The following SLC8A3 variants were observed in gnomAD, a reference collection of about 807,000 sequenced individuals.
SLC8A3 encodes the protein solute carrier family 8 member A3, also known as sodium/calcium exchanger 3.
A neutral mutation model predicts 65.4 loss-of-function variants in SLC8A3; 37 were observed. The ratio of observed to expected loss-of-function variants is 0.57; its 90% CI spans 0.44 to 0.74. The LOEUF (loss-of-function observed/expected upper bound fraction) is 0.74, where lower values mean the gene tolerates loss of function less well. SLC8A3 is among the 30% of genes least tolerant of loss of function. The pLI is 0.00. For missense variants in SLC8A3, 1,112 were observed against 1,172.1 expected (o/e 0.95, Z 0.75); for synonymous variants, 461 against 444.5 (o/e 1.04, Z -0.47).
At chr14:70,151,078 C>T (rs1019613593) in intron 2 of SLC8A3, among the ~76,000 whole-genome samples, 1 of 151,858 alleles carries the variant, frequency 6.6e-6, no homozygotes, top group Non-Finnish European at 1.5e-5. Context: ...CATGGTGAAA[C>T]CCCACCTCTG....
chr14:70,112,842 C>T (rs753240785), intron 2 of SLC8A3, among the ~76,000 whole-genome samples: 1 of 152,150 alleles, frequency 6.6e-6, no homozygotes, highest in Non-Finnish European at 1.5e-5. Flanking sequence ...AGATGCCTCA[C>T]TCCAGTCTTT....
chr14:70,080,275 A>C (rs1024219922), intron 2 of SLC8A3: 22 of 980,852 alleles, frequency 2.2e-5, no homozygotes, highest in Non-Finnish European at 2.5e-5. Context: ...GATGGTGGGG[A>C]GGGGAGGGGA....
intron 2 of SLC8A3, among the ~76,000 whole-genome samples, chr14:70,083,415 C>G (rs960143068): frequency 6.6e-6 from 1 of 152,118 alleles, no homozygotes. Context: ...TCCTCTCTCC[C>G]AAAGGAAAAC....
chr14:70,074,377 A>T (rs1417657210), intron 2 of SLC8A3, among the ~76,000 whole-genome samples: 2 of 152,178 alleles, frequency 1.3e-5, no homozygotes, highest in South Asian at 2.1e-4. Flanking sequence ...CAGGCTATTG[A>T]AGGGTTGGAG....
chr14:70,129,707 G>A (rs750114556), intron 2 of SLC8A3, among the ~76,000 whole-genome samples: 2 of 152,182 alleles, frequency 1.3e-5, no homozygotes, highest in South Asian at 2.1e-4. Flanking sequence ...TAGGGAGAAG[G>A]AGAGGTCACC....
chr14:70,173,330 A>T (rs1400221582), intron 1 of SLC8A3, among the ~76,000 whole-genome samples: 1 of 151,944 alleles, frequency 6.6e-6, no homozygotes, highest in East Asian at 1.9e-4. Context: ...GTCTGTCCCC[A>T]TGTCACACTC....
At position 70,167,570 on chromosome 14, in the gene SLC8A3, T is replaced by C. The variant is rs143972110; in HGVS notation, c.853A>G (p.Ile285Val). The C allele has an allele frequency of 8.5e-5, 138 of 1,614,114 alleles. No individual in the cohort carries two copies. In the African/African-American group the frequency reaches 1.7e-3, roughly 20 times the overall value. Residue 285 changes from isoleucine to valine, a missense_variant, in exon 2 of 7, where the codon ATT becomes GTT. By Grantham distance (29) the Ile-to-Val change is conservative (BLOSUM62 3). Coordinates refer to ENST00000356921, the MANE Select transcript of SLC8A3 (RefSeq NM_182932.3). ...TTCATCATTTTCCCATCCATCTCAA[T>C]GCCCTTAGGGTGGTCACCCTCTGTC... ...IETEGDHPKG[I>V]EMDGKMMNSH... is the part of the protein sequence containing the mutation.
At chr14:70,050,020 G>A (rs1594885693) in intron 5 of SLC8A3, among the ~76,000 whole-genome samples, 1 of 152,340 alleles carries the variant, frequency 6.6e-6, no homozygotes. Flanking sequence ...GGTAGAAGCT[G>A]GGGTTTGAAA....
intron 2 of SLC8A3, among the ~76,000 whole-genome samples, chr14:70,144,305 C>A (rs1288555478): frequency 6.8e-5 from 7 of 103,396 alleles, no homozygotes; most frequent in African/African-American, 2.7e-4. Context: ...ACGAAAACTT[C>A]CTGTTTTTTT....
intron 2 of SLC8A3, among the ~76,000 whole-genome samples, chr14:70,161,271 A>T (rs1259997137): frequency 1.6e-5 from 2 of 122,836 alleles, no homozygotes; most frequent in Non-Finnish European, 3.3e-5. Context: ...CCTGGGCGAC[A>T]GAGCGAGACT....
At position 70,155,058 on chromosome 14, in the gene SLC8A3, TAC is replaced by T. The variant is rs1896493913; in HGVS notation, c.1784+11579_1784+11580del. Among the ~76,000 whole-genome samples, 12 of 151,928 alleles carry T rather than the reference TAC, an allele frequency of 7.9e-5. 1 individual carries two copies. In the South Asian group the frequency reaches 2.5e-3, roughly 32 times the overall value. ...CCTCAGCCTCTTAAGTAGCTAGGAC[TAC>T]AGGTGTGCGCCACCATGCCCAGCTA... On this transcript the variant is annotated intron_variant, in intron 2 of 6. Transcript: ENST00000356921.
At chr14:70,134,950 A>G (rs1895088256) in intron 2 of SLC8A3, among the ~76,000 whole-genome samples, 1 of 152,232 alleles carries the variant, frequency 6.6e-6, no homozygotes, top group African/African-American at 2.4e-5. Context: ...TTCATTCTGA[A>G]AAAGGGTGGA....
At chr14:70,156,482 T>A (rs534701087) in intron 2 of SLC8A3, among the ~76,000 whole-genome samples, 1 of 152,198 alleles carries the variant, frequency 6.6e-6, no homozygotes, top group Non-Finnish European at 1.5e-5. Flanking sequence ...TGAGCGCAGA[T>A]ACAGCCTCAC....
intron 2 of SLC8A3, among the ~76,000 whole-genome samples, chr14:70,083,239 T>C (rs1487578708): frequency 6.6e-6 from 1 of 152,184 alleles, no homozygotes; most frequent in Non-Finnish European, 1.5e-5. Flanking sequence ...TCTGATGAGA[T>C]TTATCATCTC....
intron 2 of SLC8A3, among the ~76,000 whole-genome samples, chr14:70,064,784 T>C (rs1388800011): frequency 6.6e-6 from 1 of 152,252 alleles, no homozygotes; most frequent in Non-Finnish European, 1.5e-5. Context: ...AGGTGTTAGT[T>C]TGTTAATATA....
At chr14:70,084,219 A>G (rs1891263368) in intron 2 of SLC8A3, among the ~76,000 whole-genome samples, 1 of 152,232 alleles carries the variant, frequency 6.6e-6, no homozygotes, top group African/African-American at 2.4e-5. Flanking sequence ...ATAACATTGT[A>G]TCACCTTGGT....
Position 70,051,919 on chromosome 14 carries a change from A to C in SLC8A3, c.2013+71T>G, listed in dbSNP as rs1887554220. 6 of 1,395,590 alleles carry C rather than the reference A, an allele frequency of 4.3e-6. No homozygotes were observed. In the Admixed American group the frequency reaches 1.2e-4, roughly 27 times the overall value. The allele number at this position is 1,395,590 out of a possible 1,614,324, so 86.5% of individuals were successfully genotyped here. Reference sequence around the variant, plus strand: ...CATATTCACTAGTGAAAGTGGAAAAAAACACCCCAGGTCTTCTGCCTCCCA... The same window carrying C: ...CATATTCACTAGTGAAAGTGGAAAACAACACCCCAGGTCTTCTGCCTCCCA... On this transcript the variant is annotated intron_variant, in intron 4 of 6. Coordinates refer to ENST00000356921, the MANE Select transcript of SLC8A3 (RefSeq NM_182932.3).
intron 5 of SLC8A3, among the ~76,000 whole-genome samples, chr14:70,049,486 G>C (rs563329704): frequency 6.6e-6 from 1 of 152,266 alleles, no homozygotes; most frequent in South Asian, 2.1e-4. Flanking sequence ...CCTGTCAGGG[G>C]TGAGGGATAG....
chr14:70,058,053 T>C (rs559577310), intron 3 of SLC8A3, among the ~76,000 whole-genome samples: 238 of 152,326 alleles, frequency 1.6e-3, no homozygotes, highest in African/African-American at 5.5e-3. Flanking sequence ...TTTCCTTCCC[T>C]TTTTTCCATC....
Sources: gnomAD v4.1 joint callset for allele counts (sites outside exome capture counted in the v4.1 genomes callset) on GRCh38, gnomAD v4.1.1 for gene constraint, MANE v1.5 for transcripts, NCBI Gene and HGNC (gene_info 2026-07-23, HGNC 2026-07-21) for gene names.